Variants in HPSE observed in about 807,000 individuals in gnomAD.
HPSE encodes endo-glucoronidase.
A neutral mutation model predicts 65.1 loss-of-function variants in HPSE; 48 were observed. That is an observed-to-expected ratio of 0.74 (90% CI 0.58 to 0.94). The LOEUF is 0.94. Among genes scored for constraint, HPSE ranks in the 40% least tolerant of loss-of-function variants. HPSE has a pLI of 0.00. For missense variants in HPSE, 644 were observed against 637.5 expected (o/e 1.01, Z -0.11); for synonymous variants, 243 against 260.0 (o/e 0.93, Z 0.63).
At chr4:83,296,681 A>C (rs888115026) in intron 11 of HPSE, among the ~76,000 whole-genome samples, 10 of 152,090 alleles carry the variant, frequency 6.6e-5, no homozygotes, top group Non-Finnish European at 1.3e-4. Context: ...AAAAAAGAAA[A>C]AAAAAAAAAA....
intron 1 of HPSE, among the ~76,000 whole-genome samples, chr4:83,329,303 AT>A (rs1428567455): frequency 6.6e-6 from 1 of 152,180 alleles, no homozygotes; most frequent in Non-Finnish European, 1.5e-5. Flanking sequence ...ATATTTTTCC[AT>A]TTCCAGGTTT....
chr4:83,315,144 C>A (rs1349714717), intron 3 of HPSE, among the ~76,000 whole-genome samples: 1 of 87,126 alleles, frequency 1.1e-5, no homozygotes, highest in African/African-American at 4.9e-5. Flanking sequence ...CAGAGCAAGA[C>A]TCTGTCTCAA....
intron 1 of HPSE, 69 bp downstream of exon 1, chr4:83,334,487 C>T (rs1291269224): frequency 6.2e-6 from 9 of 1,458,988 alleles, no homozygotes; most frequent in Non-Finnish European, 8.2e-6. Flanking sequence ...AGAAGGAGAG[C>T]GGCTGGCGGG....
At chr4:83,308,158 A>G (rs1319134578) in intron 8 of HPSE, among the ~76,000 whole-genome samples, 3 of 151,258 alleles carry the variant, frequency 2.0e-5, no homozygotes, top group Non-Finnish European at 2.9e-5. Flanking sequence ...CCGTAATCCC[A>G]GCATTTTGGA....
chr4:83,331,492 T>G (rs1203709660), intron 1 of HPSE, among the ~76,000 whole-genome samples: 4 of 152,198 alleles, frequency 2.6e-5, no homozygotes, highest in Non-Finnish European at 5.9e-5. Context: ...TGGACAGTGT[T>G]GATTTAGGGC....
intron 8 of HPSE, among the ~76,000 whole-genome samples, chr4:83,307,677 C>A (rs1395453223): frequency 6.6e-6 from 1 of 152,136 alleles, no homozygotes; most frequent in African/African-American, 2.4e-5. Context: ...CTTCTCTATC[C>A]CCCTTCTCCC....
chr4:83,318,607 G>A (rs927817100), intron 3 of HPSE, among the ~76,000 whole-genome samples: 1 of 151,774 alleles, frequency 6.6e-6, no homozygotes, highest in Non-Finnish European at 1.5e-5. Context: ...ATGAATAGGA[G>A]GCTAAGGCAG....
intron 1 of HPSE, among the ~76,000 whole-genome samples, chr4:83,330,504 T>C (rs1405999472): frequency 6.6e-6 from 1 of 152,250 alleles, no homozygotes; most frequent in Non-Finnish European, 1.5e-5. Flanking sequence ...AATAGGCACA[T>C]GGGGAGTCTG....
intron 4 of HPSE, among the ~76,000 whole-genome samples, chr4:83,311,284 G>A (rs1736365346): frequency 6.6e-6 from 1 of 151,908 alleles, no homozygotes; most frequent in Non-Finnish European, 1.5e-5. Context: ...CAGCCTGAGT[G>A]ACAGAGCAAG....
At chr4:83,307,494 G>A (rs751913987) in intron 8 of HPSE, among the ~76,000 whole-genome samples, 3 of 152,166 alleles carry the variant, frequency 2.0e-5, no homozygotes, top group Non-Finnish European at 4.4e-5. Flanking sequence ...CATGCTAGAG[G>A]TATCCCTTTC....
intron 8 of HPSE, among the ~76,000 whole-genome samples, chr4:83,307,397 T>C (rs1736181649): frequency 6.7e-6 from 1 of 149,740 alleles, no homozygotes; most frequent in African/African-American, 2.4e-5. Context: ...TTAAATGAAA[T>C]GGCAACTGCA....
At position 83,295,182 on chromosome 4, in the gene HPSE, G is replaced by C; in HGVS notation, c.*162C>G. On this transcript the variant is annotated 3_prime_UTR_variant, in exon 12 of 12. Transcript: ENST00000311412. Reference sequence around the variant, plus strand: ...TATTATTAGCAGTGTTCTACCTAGCGAGATCAAAATACTGTGCTAAATCTA... The same window carrying C: ...TATTATTAGCAGTGTTCTACCTAGCCAGATCAAAATACTGTGCTAAATCTA... 2.1e-6 allele frequency: 1 copy of C among 474,388 alleles called. No homozygotes were observed. The allele number at this position is 474,388 out of a possible 1,614,324, so 29.4% of individuals were successfully genotyped here. A position where few individuals can be genotyped will look rare whatever the true frequency, so the allele number is the denominator to read the frequency against.
At chr4:83,329,230 G>A (rs1737269100) in intron 1 of HPSE, among the ~76,000 whole-genome samples, 1 of 152,116 alleles carries the variant, frequency 6.6e-6, no homozygotes, top group East Asian at 1.9e-4. Context: ...ATACAGGGTG[G>A]CCACTGAGAC....
At chr4:83,316,584 G>A (rs1055709517) in intron 3 of HPSE, among the ~76,000 whole-genome samples, 1 of 152,116 alleles carries the variant, frequency 6.6e-6, no homozygotes, top group Non-Finnish European at 1.5e-5. Flanking sequence ...TGTGGGCCTG[G>A]GTGTAGGCAA....
At chr4:83,330,282 A>G (rs1737313815) in intron 1 of HPSE, among the ~76,000 whole-genome samples, 1 of 152,242 alleles carries the variant, frequency 6.6e-6, no homozygotes, top group South Asian at 2.1e-4. Context: ...GCCAAGTTGT[A>G]GCTTGGACAA....
In HPSE at chr4:83,301,059, T is replaced by C. The variant is rs781602417; in HGVS notation, c.1373A>G (p.His458Arg). Reference sequence around the variant, plus strand: ...TAACCGCAAGTACTTGGTGACATTATGGAGGTTTATGGCATACAGAGTTAA... The same window carrying C: ...TAACCGCAAGTACTTGGTGACATTACGGAGGTTTATGGCATACAGAGTTAA... ...GDLTLYAINL[H>R]NVTKYLRLPY... The change falls in exon 11 of 12, where the codon CAT becomes CGT. Residue 458 changes from histidine (H) to arginine (R), a missense_variant. By Grantham distance (29) the His-to-Arg change is conservative. Coordinates refer to ENST00000311412, the MANE Select transcript of HPSE (RefSeq NM_001098540.3). 6.2e-7 allele frequency: 1 copy of C among 1,607,504 alleles called. No individual in the cohort carries two copies. Among genetic ancestry groups the C allele is most frequent in the South Asian group, 1.1e-5 (1 of 90,328 alleles).
At chr4:83,322,792 TGTGTGTGTGTGTGTGTGTGTG>T (rs1736969732) in intron 1 of HPSE, among the ~76,000 whole-genome samples, 1 of 114,884 alleles carries the variant, frequency 8.7e-6, no homozygotes, top group African/African-American at 5.0e-5. Flanking sequence ...AGCTTGTTTG[TGTGTGTGTGTGTGTGTGTGTG>T]TGTGTGTGTG....
chr4:83,319,313 G>A (rs201288134), intron 3 of HPSE, 31 bp downstream of exon 3: 2 of 1,610,910 alleles, frequency 1.2e-6, no homozygotes, highest in African/African-American at 1.3e-5. Context: ...TTTGGGGCTG[G>A]AACATCTCTA....
chr4:83,319,776 A>C (rs1161660468), intron 2 of HPSE, among the ~76,000 whole-genome samples: 3 of 152,120 alleles, frequency 2.0e-5, no homozygotes, highest in Admixed American at 1.3e-4. Context: ...GCTTGAAATT[A>C]CTGGCCGGGT....
Sources: gnomAD v4.1 joint callset for allele counts (sites outside exome capture counted in the v4.1 genomes callset) on GRCh38, gnomAD v4.1.1 for gene constraint, MANE v1.5 for transcripts, NCBI Gene and HGNC (gene_info 2026-07-23, HGNC 2026-07-21) for gene names.